Variants in CDK14 observed in about 807,000 individuals in gnomAD.
The protein encoded by CDK14 is cyclin dependent kinase 14.
In CDK14, 34 loss-of-function variants were observed where a neutral mutation model predicts 60.7. The observed-to-expected ratio is 0.56, with a 90% CI of 0.43 to 0.75. CDK14 has a LOEUF of 0.75. Among genes scored for constraint, CDK14 ranks in the 30% least tolerant of loss-of-function variants. CDK14 has a pLI of 0.00. For synonymous variants in CDK14, 197 were observed against 203.7 expected (o/e 0.97, Z 0.28); for missense variants, 482 against 564.1 (o/e 0.85, Z 1.47).
chr7:90,961,062 C>G (rs1794590178), intron 9 of CDK14, among the ~76,000 whole-genome samples: 1 of 152,130 alleles, frequency 6.6e-6, no homozygotes, highest in African/African-American at 2.4e-5. Context: ...AAATAGAGCA[C>G]TCATTCAAAC....
intron 10 of CDK14, among the ~76,000 whole-genome samples, chr7:91,042,159 C>T (rs1198364508): frequency 1.3e-5 from 2 of 152,052 alleles, no homozygotes; most frequent in South Asian, 2.1e-4. Context: ...TAGGGCAGAG[C>T]GTTAGGGAAG....
intron 5 of CDK14, among the ~76,000 whole-genome samples, chr7:90,822,437 A>T (rs1484905912): frequency 1.3e-5 from 2 of 152,076 alleles, no homozygotes; most frequent in Non-Finnish European, 2.9e-5. Context: ...CTCTTATCTC[A>T]CTTTAGTCTC....
At chr7:90,808,583 A>G (rs1169971385) in intron 5 of CDK14, among the ~76,000 whole-genome samples, 1 of 152,202 alleles carries the variant, frequency 6.6e-6, no homozygotes, top group Non-Finnish European at 1.5e-5. Context: ...ACCAGCTAAC[A>G]TCATAATGAC....
chr7:90,615,038 A>C (rs991433615), intron 2 of CDK14, among the ~76,000 whole-genome samples: 1 of 152,196 alleles, frequency 6.6e-6, no homozygotes, highest in African/African-American at 2.4e-5. Context: ...TAATTTTTTA[A>C]TAATGAAATT....
chr7:90,953,564 T>A (rs759114284), intron 8 of CDK14, among the ~76,000 whole-genome samples: 9 of 152,224 alleles, frequency 5.9e-5, no homozygotes, highest in Non-Finnish European at 1.3e-4. Flanking sequence ...TTATACTACT[T>A]CTAGATTATT....
At chr7:91,062,838 A>G (rs2116133544) in intron 11 of CDK14, among the ~76,000 whole-genome samples, 1 of 152,312 alleles carries the variant, frequency 6.6e-6, no homozygotes, top group Non-Finnish European at 1.5e-5. Context: ...GCTGGGTTTC[A>G]GCTGGTGTTG....
At chr7:90,888,624 C>T (rs562902813) in intron 6 of CDK14, among the ~76,000 whole-genome samples, 3 of 152,278 alleles carry the variant, frequency 2.0e-5, no homozygotes, top group Non-Finnish European at 4.4e-5. Flanking sequence ...CTTCCATATT[C>T]CTATCAGAGT....
At chr7:90,974,536 C>G (rs992318125) in intron 9 of CDK14, among the ~76,000 whole-genome samples, 18 of 152,146 alleles carry the variant, frequency 1.2e-4, no homozygotes, top group Non-Finnish European at 5.9e-5. Context: ...CCGAAACAAA[C>G]TTTTGCCTTG....
Position 91,162,686 on chromosome 7 carries a change from A to G in CDK14, c.*28+44478A>G, listed in dbSNP as rs140654205. Among the ~76,000 whole-genome samples the G allele has an allele frequency of 8.6e-3, 1,315 of 152,350 alleles. 7 individuals carry two copies. Among genetic ancestry groups the G allele is most frequent in the Middle Eastern group, 0.017 (5 of 294 alleles). On this transcript the variant is annotated intron_variant, in intron 14 of 14. Transcript: ENST00000380050. ...TCTCTACACTTCTGGTTCCTCATTT[A>G]CCATATGAAGAAAATAATAGTCATA...
intron 13 of CDK14, 82 bp downstream of exon 13, chr7:91,112,763 G>A: frequency 7.1e-7 from 1 of 1,412,556 alleles, no homozygotes; most frequent in East Asian, 2.3e-5. Flanking sequence ...TGTATGCAGA[G>A]ATTCACATAT....
intron 2 of CDK14, among the ~76,000 whole-genome samples, chr7:90,660,485 C>T (rs1377209581): frequency 1.3e-5 from 2 of 152,186 alleles, no homozygotes; most frequent in East Asian, 1.9e-4. Flanking sequence ...GCTCTATACT[C>T]GGTACCTGAT....
At chr7:91,106,439 AT>A (rs1207269550) in intron 12 of CDK14, among the ~76,000 whole-genome samples, 1 of 152,200 alleles carries the variant, frequency 6.6e-6, no homozygotes, top group Non-Finnish European at 1.5e-5. Flanking sequence ...GCACAAAAAA[AT>A]AATCTGGGAG....
chr7:90,915,053 T>C (rs1584118706), intron 7 of CDK14, among the ~76,000 whole-genome samples: 1 of 151,548 alleles, frequency 6.6e-6, no homozygotes, highest in Non-Finnish European at 1.5e-5. Flanking sequence ...CTTGCAGGGG[T>C]GGTCAGGGAA....
chr7:90,875,051 G>T (rs1791512908), intron 6 of CDK14, among the ~76,000 whole-genome samples: 1 of 152,026 alleles, frequency 6.6e-6, no homozygotes. Flanking sequence ...CTGAACCACC[G>T]ATCTACTGTA....
chr7:90,738,230 A>G (rs753325307), intron 3 of CDK14, among the ~76,000 whole-genome samples: 8 of 152,186 alleles, frequency 5.3e-5, no homozygotes, highest in Non-Finnish European at 1.0e-4. Context: ...GAGTTACTTT[A>G]TTTTTCCAGT....
chr7:91,083,058 G>A (rs934949044), intron 12 of CDK14, among the ~76,000 whole-genome samples: 2 of 151,974 alleles, frequency 1.3e-5, no homozygotes, highest in Non-Finnish European at 2.9e-5. Flanking sequence ...TCACTAGGAG[G>A]AGCAGTTGAG....
At chr7:90,999,532 T>A (rs1795784787) in intron 10 of CDK14, among the ~76,000 whole-genome samples, 2 of 151,880 alleles carry the variant, frequency 1.3e-5, no homozygotes, top group Non-Finnish European at 1.5e-5. Flanking sequence ...GAGGTTGCAG[T>A]GAGCCGAGAT....
chr7:91,050,321 G>A (rs1356174334), intron 11 of CDK14, among the ~76,000 whole-genome samples: 3 of 152,056 alleles, frequency 2.0e-5, no homozygotes, highest in Non-Finnish European at 2.9e-5. Context: ...AGGAATCCAG[G>A]GGAGAGGCGA....
intron 14 of CDK14, among the ~76,000 whole-genome samples, chr7:91,141,999 G>A (rs1025555343): frequency 9.2e-5 from 14 of 151,994 alleles, no homozygotes; most frequent in African/African-American, 3.4e-4. Context: ...CTAAATTTTT[G>A]TATTTTTAGT....
Sources: gnomAD v4.1 joint callset for allele counts (sites outside exome capture counted in the v4.1 genomes callset) on GRCh38, gnomAD v4.1.1 for gene constraint, MANE v1.5 for transcripts, NCBI Gene and HGNC (gene_info 2026-07-23, HGNC 2026-07-21) for gene names.